ZNF469: variants seen among roughly 807,000 people sequenced by gnomAD.
ZNF469 encodes zinc finger protein 469.
ZNF469 carries 1 observed loss-of-function variant against 1.0 expected under a neutral mutation model. That is an observed-to-expected ratio of 1.00 (90% confidence interval 0.35 to 4.73). The LOEUF (loss-of-function observed/expected upper bound fraction) is 4.73, where lower values mean the gene tolerates loss of function less well. Among genes scored for constraint, ZNF469 ranks in the 30% most tolerant of loss-of-function variants. The probability of loss-of-function intolerance (pLI) is 0.16; values close to 1 mark genes in which losing one functional copy is unlikely to be tolerated. For missense variants in ZNF469, 6,100 were observed against 5,356.3 expected, an observed-to-expected ratio of 1.14 and a Z score of -4.33; for synonymous variants, 2,703 against 2,363.4, an observed-to-expected ratio of 1.14 and a Z score of -4.17.
rs559066858 is a variant in ZNF469, at chr16:88,386,053, G to A, written c.-192+2799G>A. On this transcript the variant is annotated intron_variant, in intron 1 of 2. Transcript: ENST00000565624. ...GGCCGCCATAGGGAGCAGGGATGCC[G>A]GTGAGGCACAAGCGGCCCGGTCCCG... Among the ~76,000 whole-genome samples the A allele has an allele frequency of 3.3e-5, 5 of 152,268 alleles. No homozygotes were observed. The South Asian group carries it at 8.3e-4, about 25-fold the overall frequency.
the ZNF469 span, among the ~76,000 whole-genome samples, chr16:88,105,258 T>C: frequency 6.6e-6 from 1 of 151,666 alleles, no homozygotes. Flanking sequence ...CTCAACACTA[T>C]AAAGGCCTCT....
the ZNF469 span, among the ~76,000 whole-genome samples, chr16:88,119,653 C>G: frequency 1.3e-5 from 2 of 152,128 alleles, no homozygotes; most frequent in African/African-American, 4.8e-5. Flanking sequence ...TTTTCCCTAC[C>G]GGGTCCAGCC....
the ZNF469 span, among the ~76,000 whole-genome samples, chr16:88,320,761 C>T: frequency 3.9e-5 from 6 of 152,198 alleles, no homozygotes; most frequent in Admixed American, 2.6e-4. Flanking sequence ...GCCTCCTGCA[C>T]TTATGTCCAT....
At chr16:88,121,484 A>G in the ZNF469 span, among the ~76,000 whole-genome samples, 2 of 152,232 alleles carry the variant, frequency 1.3e-5, no homozygotes, top group African/African-American at 4.8e-5. Context: ...GTTCGCAAAG[A>G]AACAAAATTG....
the ZNF469 span, among the ~76,000 whole-genome samples, chr16:88,138,930 G>C: frequency 3.9e-5 from 6 of 152,230 alleles, no homozygotes; most frequent in Non-Finnish European, 8.8e-5. Flanking sequence ...CCATTCGGCT[G>C]CCTGGAAAAT....
At chr16:88,339,128 T>G in the ZNF469 span, among the ~76,000 whole-genome samples, 1 of 130,680 alleles carries the variant, frequency 7.7e-6, no homozygotes, top group Non-Finnish European at 1.6e-5. Context: ...GGAGGGCCAC[T>G]GGAGCGAGAG....
intron 1 of ZNF469, among the ~76,000 whole-genome samples, chr16:88,422,281 A>AATGGATGGATGGATGGATGGATGG (rs149579956): frequency 7.6e-4 from 93 of 121,934 alleles, no homozygotes; most frequent in African/African-American, 2.5e-3. Context: ...ATAGGTGGGT[A>AATGGATGGATGGATGGATGGATGG]ATGGATGGAT....
chr16:88,110,159 C>A, the ZNF469 span, among the ~76,000 whole-genome samples: 55 of 152,332 alleles, frequency 3.6e-4, no homozygotes, highest in African/African-American at 1.3e-3. Flanking sequence ...CACACACGTC[C>A]AGCTGCCCCT....
chr16:88,228,881 G>C, the ZNF469 span, among the ~76,000 whole-genome samples: 1 of 152,176 alleles, frequency 6.6e-6, no homozygotes, highest in African/African-American at 2.4e-5. Context: ...CCAGTGTCTG[G>C]GTGGACGGGG....
chr16:88,107,519 T>A, the ZNF469 span, among the ~76,000 whole-genome samples: 1 of 152,150 alleles, frequency 6.6e-6, no homozygotes, highest in Non-Finnish European at 1.5e-5. Flanking sequence ...GTGAGGATCA[T>A]GGGGATTAAA....
chr16:88,390,424 G>A (rs767205679), intron 1 of ZNF469, among the ~76,000 whole-genome samples: 4 of 152,150 alleles, frequency 2.6e-5, no homozygotes, highest in African/African-American at 4.8e-5. Context: ...GTAACCCCAC[G>A]TGGGGTCCAT....
the ZNF469 span, among the ~76,000 whole-genome samples, chr16:88,265,571 G>A: frequency 7.9e-5 from 12 of 152,212 alleles, no homozygotes; most frequent in East Asian, 3.8e-4. Flanking sequence ...TGCGTGCAGC[G>A]TGTGGCATCT....
chr16:88,421,919 T>A (rs964622053), intron 1 of ZNF469, among the ~76,000 whole-genome samples: 6 of 152,172 alleles, frequency 3.9e-5, no homozygotes, highest in African/African-American at 1.4e-4. Flanking sequence ...GTGTGCCCAG[T>A]GCCTGACACA....
At chr16:88,237,848 C>A in the ZNF469 span, among the ~76,000 whole-genome samples, 1 of 151,728 alleles carries the variant, frequency 6.6e-6, no homozygotes, top group Non-Finnish European at 1.5e-5. Flanking sequence ...CTCTGCCCAG[C>A]CCCGGCAGCT....
At chr16:88,161,850 T>A in the ZNF469 span, among the ~76,000 whole-genome samples, 14 of 152,372 alleles carry the variant, frequency 9.2e-5, no homozygotes, top group African/African-American at 3.4e-4. Flanking sequence ...ACAGTTTTAC[T>A]GTGCAATGTC....
At chr16:88,309,691 C>T in the ZNF469 span, among the ~76,000 whole-genome samples, 32 of 147,780 alleles carry the variant, frequency 2.2e-4, no homozygotes, top group East Asian at 2.0e-3. Flanking sequence ...GGACATCTGA[C>T]GGGGGGAGTG....
At position 88,438,509 on chromosome 16, in the gene ZNF469, C is replaced by G. The variant is rs1187924400; in HGVS notation, c.11039C>G (p.Ser3680Ter). The G allele has an allele frequency of 6.5e-7, 1 of 1,550,158 alleles. No individual in the cohort carries two copies. The highest frequency in any genetic ancestry group is 8.7e-7 in the Non-Finnish European group (1 of 1,146,962). Residue 3680 changes from serine to a stop codon, truncating the protein, a stop_gained, in exon 3 of 3, where the codon TCA (serine) becomes TGA (stop). Coordinates refer to ENST00000565624, the MANE Select transcript of ZNF469 (RefSeq NM_001367624.2). LOFTEE classifies it low-confidence loss of function (END_TRUNC). ...AAGCCTGCGGGCTGCCAGAGCTCAT[C>G]AAAGGACAGGTCGGCAGCATCCACC... ...ATKPAGCQSS[S>*]KDRSAASTPS...
chr16:88,110,053 C>A, the ZNF469 span, among the ~76,000 whole-genome samples: 6 of 152,372 alleles, frequency 3.9e-5, no homozygotes, highest in East Asian at 5.8e-4. Context: ...TGGGCCTCAC[C>A]ATTGGTGACT....
intron 1 of ZNF469, among the ~76,000 whole-genome samples, chr16:88,394,035 A>C (rs1904576803): frequency 6.6e-6 from 1 of 151,906 alleles, no homozygotes; most frequent in Non-Finnish European, 1.5e-5. Flanking sequence ...GTGCTGTCCA[A>C]GAGGAGCAGG....
Sources: gnomAD v4.1 joint callset for allele counts (sites outside exome capture counted in the v4.1 genomes callset) on GRCh38, gnomAD v4.1.1 for gene constraint, MANE v1.5 for transcripts, NCBI Gene and HGNC (gene_info 2026-07-23, HGNC 2026-07-21) for gene names.